The following FSCN2 variants were observed in gnomAD, a reference collection of about 807,000 sequenced individuals.
FSCN2 encodes the protein fascin actin-bundling protein 2, retinal.
FSCN2 carries 46 observed loss-of-function variants against 37.8 expected under a neutral mutation model. That is an observed-to-expected ratio of 1.22 (90% CI 0.96 to 1.56). The LOEUF is 1.56. FSCN2 is among the 40% of genes most tolerant of loss of function. The pLI is 0.00. For missense variants in FSCN2, 844 were observed against 730.4 expected, an observed-to-expected ratio of 1.16 and a Z score of -1.79; for synonymous variants, 351 against 309.4, an observed-to-expected ratio of 1.13 and a Z score of -1.41.
At chr17:81,531,219 ATGGTGATAATGGTGATGG>A (rs2032545853) in intron 1 of FSCN2, among the ~76,000 whole-genome samples, 1 of 105,644 alleles carries the variant, frequency 9.5e-6, no homozygotes, top group Admixed American at 9.0e-5. Flanking sequence ...GATGGTGGTG[ATGGTGATAATGGTGATGG>A]TGGTGATGAT....
At chr17:81,517,640 C>T in the FSCN2 span, among the ~76,000 whole-genome samples, 1 of 152,162 alleles carries the variant, frequency 6.6e-6, no homozygotes, top group Non-Finnish European at 1.5e-5. Context: ...CTCCACTGGG[C>T]CCGAGAAGAA....
chr17:81,529,075 CG>C lies in FSCN2; in HGVS notation c.545del (p.Arg182HisfsTer106). On this transcript the variant is annotated frameshift_variant, in exon 1 of 5. Coordinates refer to ENST00000417245, the MANE Select transcript of FSCN2 (RefSeq NM_012418.4). LOFTEE classifies it high-confidence loss of function. Reference sequence around the variant, plus strand: ...CCTCCTCACCCTCATCTTCCGGAGCCGACGGTACTGCCTCAAGTCCTGTGAC... The same window carrying C: ...CCTCCTCACCCTCATCTTCCGGAGCCACGGTACTGCCTCAAGTCCTGTGAC... Reference protein sequence around the residue: ...DALLTLIFRSRRYCLKSCDSR... With the variant: ...DALLTLIFRSXRYCLKSCDSR... 1 of 1,590,588 alleles carries C rather than the reference CG, an allele frequency of 6.3e-7. No homozygotes were observed. The highest frequency in any genetic ancestry group is 8.5e-7 in the Non-Finnish European group (1 of 1,170,848).
chr17:81,515,208 G>A, the FSCN2 span, among the ~76,000 whole-genome samples: 2 of 152,186 alleles, frequency 1.3e-5, no homozygotes, highest in East Asian at 1.9e-4. Context: ...TTAGCAGCGG[G>A]GCCTCGCCCA....
intron 1 of FSCN2, among the ~76,000 whole-genome samples, chr17:81,531,252 A>G (rs797032819): frequency 1.1e-3 from 94 of 89,260 alleles, no homozygotes; most frequent in Middle Eastern, 0.015. Flanking sequence ...GATGATGGTG[A>G]TGGTGATGAT....
the FSCN2 span, among the ~76,000 whole-genome samples, chr17:81,522,336 C>T: frequency 6.6e-6 from 1 of 152,194 alleles, no homozygotes; most frequent in African/African-American, 2.4e-5. Flanking sequence ...TTCTCTGCAC[C>T]ATTTCATTAA....
intron 1 of FSCN2, chr17:81,530,165 T>C (rs782553169): frequency 3.5e-6 from 1 of 284,644 alleles, no homozygotes; most frequent in Non-Finnish European, 7.0e-6. Flanking sequence ...GGCAGGGAGC[T>C]GGGGATCGGG....
In FSCN2 at chr17:81,529,027, G is replaced by A; in HGVS notation, c.496G>A (p.Asp166Asn). The A allele has an allele frequency of 6.3e-7, 1 of 1,587,946 alleles. No homozygotes were observed. Among genetic ancestry groups the A allele is most frequent in the Non-Finnish European group, 8.5e-7 (1 of 1,171,196 alleles). ...GGAGGACGAGATGGCCGCAGACGGA[G>A]ACAAGCCCTGGGGCGTGGACGCCCT... is the stretch of plus-strand genomic sequence containing the variant. Reference protein sequence around the residue: ...PREDEMAADGDKPWGVDALLT... With the variant: ...PREDEMAADGNKPWGVDALLT... Residue 166 changes from aspartate to asparagine, a missense_variant, in exon 1 of 5, where the codon GAC becomes AAC. Coordinates refer to ENST00000417245, the MANE Select transcript of FSCN2 (RefSeq NM_012418.4).
chr17:81,533,116 C>T (rs956317270), intron 1 of FSCN2, among the ~76,000 whole-genome samples: 12 of 152,164 alleles, frequency 7.9e-5, no homozygotes, highest in Non-Finnish European at 1.0e-4. Flanking sequence ...CACCCCTACC[C>T]GGCCTCTGTG....
At chr17:81,518,292 C>T in the FSCN2 span, among the ~76,000 whole-genome samples, 1 of 152,170 alleles carries the variant, frequency 6.6e-6, no homozygotes, top group South Asian at 2.1e-4. Flanking sequence ...CACTCTCTGC[C>T]CTAGAGCATT....
At chr17:81,531,733 T>TGATGATGGC (rs2032626554) in intron 1 of FSCN2, among the ~76,000 whole-genome samples, 1 of 143,428 alleles carries the variant, frequency 7.0e-6, no homozygotes, top group African/African-American at 2.7e-5. Flanking sequence ...ATGGTGATGG[T>TGATGATGGC]GATGATGGTG....
chr17:81,530,126 A>C, intron 1 of FSCN2: 1 of 280,290 alleles, frequency 3.6e-6, no homozygotes, highest in South Asian at 4.1e-5. Context: ...TCTGGACTTT[A>C]AAGGAAATTG....
upstream of FSCN2, among the ~76,000 whole-genome samples, chr17:81,526,753 CTG>C: frequency 6.6e-6 from 1 of 152,244 alleles, no homozygotes; most frequent in Non-Finnish European, 1.5e-5. Context: ...CCCCTGGAAA[CTG>C]TGGGAGAGTG....
chr17:81,521,313 C>A, the FSCN2 span, among the ~76,000 whole-genome samples: 2 of 152,090 alleles, frequency 1.3e-5, no homozygotes, highest in Admixed American at 1.3e-4. Context: ...GGTGATCCAC[C>A]CGCCTTGGCC....
In FSCN2 at chr17:81,536,767, C is replaced by T. The variant is rs778637727; in HGVS notation, c.1251C>T (p.Ser417=). The T allele has an allele frequency of 2.6e-5, 41 of 1,605,338 alleles. No homozygotes were observed. Among genetic ancestry groups the T allele is most frequent in the Middle Eastern group, 3.3e-4 (2 of 6,064 alleles). Reference sequence around the variant, plus strand: ...ACGACGTCTTCCACCTGAGCTTCAGCGACGGCGCCTACCGGATCCGAGGTG... The same window carrying T: ...ACGACGTCTTCCACCTGAGCTTCAGTGACGGCGCCTACCGGATCCGAGGTG... ...SVYDVFHLSF[S]DGAYRIRGRD... The change falls in exon 4 of 5, where the codon AGC becomes AGT. Residue 417 remains serine (S), a synonymous_variant. Transcript: ENST00000417245.
At chr17:81,531,168 G>GTGGTGATGGTGATGA (rs1568076745) in intron 1 of FSCN2, among the ~76,000 whole-genome samples, 59 of 124,980 alleles carry the variant, frequency 4.7e-4, no homozygotes, top group Admixed American at 2.3e-3. Context: ...GGTGATGATG[G>GTGGTGATGGTGATGA]TGGTGATGGT....
chr17:81,528,993 G>A lies in FSCN2; in HGVS notation c.462G>A (p.Leu154=), dbSNP rs1555670701. The change falls in exon 1 of 5, where the codon CTG becomes CTA. Residue 154 remains leucine (L), a synonymous_variant. Coordinates refer to ENST00000417245, the MANE Select transcript of FSCN2 (RefSeq NM_012418.4). ...LSVSRRRYVH[L]CPREDEMAAD... is the part of the protein sequence containing the mutation. ...TGAGCCGGCGGCGCTACGTGCACCT[G>A]TGCCCGCGGGAGGACGAGATGGCCG... The A allele has an allele frequency of 3.2e-6, 5 of 1,582,962 alleles. No homozygotes were observed. The highest frequency in any genetic ancestry group is 1.7e-4 in the Middle Eastern group (1 of 6,018).
In FSCN2 at chr17:81,535,288, G is replaced by A. The variant is rs182110456; in HGVS notation, c.983+80G>A. On this transcript the variant is annotated intron_variant, in intron 2 of 4. Coordinates refer to ENST00000417245, the MANE Select transcript of FSCN2 (RefSeq NM_012418.4). ...CCCATCATCACCATCCCCACCATCCGCATCCCCATCTCCATCCCCACCACC... is the reference window on the plus strand; with the variant it reads ...CCCATCATCACCATCCCCACCATCCACATCCCCATCTCCATCCCCACCACC... The A allele has an allele frequency of 2.1e-4, 155 of 755,216 alleles. 4 individuals are homozygous for A. The South Asian group carries it at 2.9e-3, about 14-fold the overall frequency. The allele number at this position is 755,216 out of a possible 1,614,324, so 46.8% of individuals were successfully genotyped here.
In FSCN2 at chr17:81,528,507, C is replaced by T. The variant is rs372264376; in HGVS notation, c.-25C>T. On this transcript the variant is annotated 5_prime_UTR_variant, in exon 1 of 5. Coordinates refer to ENST00000417245, the MANE Select transcript of FSCN2 (RefSeq NM_012418.4). ...CACTCAGAGGGCGCATCCCAGGCCC[C>T]TCCGGGGACCCGGCCAGCCTGAAGA... 1 of 1,551,048 alleles carries T rather than the reference C, an allele frequency of 6.4e-7. No homozygotes were observed. Among genetic ancestry groups the T allele is most frequent in the South Asian group, 1.2e-5 (1 of 85,020 alleles).
the FSCN2 span, among the ~76,000 whole-genome samples, chr17:81,522,257 G>A: frequency 5.1e-4 from 78 of 152,224 alleles, no homozygotes; most frequent in African/African-American, 1.7e-3. Context: ...CGCCTGCCTC[G>A]GCCTCCAAAA....
Sources: gnomAD v4.1 joint callset for allele counts (sites outside exome capture counted in the v4.1 genomes callset) on GRCh38, gnomAD v4.1.1 for gene constraint, MANE v1.5 for transcripts, NCBI Gene and HGNC (gene_info 2026-07-23, HGNC 2026-07-21) for gene names.